DOCK8: variants seen among roughly 807,000 people sequenced by gnomAD.
DOCK8 encodes the protein dedicator of cytokinesis protein 8.
DOCK8 carries 141 observed loss-of-function variants against 245.6 expected under a neutral mutation model. The ratio of observed to expected loss-of-function variants is 0.57; its 90% CI spans 0.50 to 0.66. The LOEUF (loss-of-function observed/expected upper bound fraction) is 0.66. Ranked by LOEUF, DOCK8 falls within the 30% of genes least tolerant of loss-of-function variation. DOCK8 has a pLI of 0.00. For synonymous variants in DOCK8, 1,168 were observed against 970.2 expected (o/e 1.20, Z -3.79); for missense variants, 2,965 against 2,603.4 (o/e 1.14, Z -3.02).
Position 405,072 on chromosome 9 carries a change from A to G in DOCK8, c.3389A>G (p.Gln1130Arg). The G allele has an allele frequency of 6.2e-7, 1 of 1,612,332 alleles. No homozygotes were observed. The highest frequency in any genetic ancestry group is 8.5e-7 in the Non-Finnish European group (1 of 1,178,828). Residue 1130 changes from glutamine (Q) to arginine (R), a missense_variant and splice_region_variant, in exon 27 of 48, where the codon CAG (glutamine) becomes CGG (arginine). Coordinates refer to ENST00000432829, the MANE Select transcript of DOCK8 (RefSeq NM_203447.4). Reference sequence around the variant, plus strand: ...TCTCCTTGTCCTTCCATATCTTCCCAGGTAATAAAAGAATTATTTAACTAA... The same window carrying G: ...TCTCCTTGTCCTTCCATATCTTCCCGGGTAATAAAAGAATTATTTAACTAA... ...PTSPCPSISS[Q>R]NSSSCSSFQD...
intron 24 of DOCK8, among the ~76,000 whole-genome samples, chr9:392,998 G>A (rs758012950): frequency 2.0e-5 from 3 of 147,774 alleles, no homozygotes; most frequent in Non-Finnish European, 1.5e-5. Context: ...AGGCAGGAGC[G>A]TCACTGGAGC....
At chr9:229,232 A>G (rs2047052932) in intron 1 of DOCK8, among the ~76,000 whole-genome samples, 3 of 152,174 alleles carry the variant, frequency 2.0e-5, no homozygotes, top group Admixed American at 6.5e-5. Flanking sequence ...CCCGTTTCAG[A>G]TTTCAGAATG....
chr9:445,238 C>T (rs1460175050), intron 43 of DOCK8, among the ~76,000 whole-genome samples: 1 of 152,122 alleles, frequency 6.6e-6, no homozygotes, highest in Non-Finnish European at 1.5e-5. Flanking sequence ...CCAAGGTGCC[C>T]TTTTCCCCTC....
At chr9:283,990 C>G (rs963898186) in intron 2 of DOCK8, among the ~76,000 whole-genome samples, 2 of 152,156 alleles carry the variant, frequency 1.3e-5, no homozygotes, top group Non-Finnish European at 2.9e-5. Flanking sequence ...TTGAATGAGA[C>G]AATCCTAGTC....
chr9:378,230 T>G (rs1036542142), intron 20 of DOCK8, among the ~76,000 whole-genome samples: 1 of 152,176 alleles, frequency 6.6e-6, no homozygotes, highest in South Asian at 2.1e-4. Flanking sequence ...TCTGGGAGGA[T>G]GCAGGAGGTC....
intron 15 of DOCK8, 165 bp from the exon 16 acceptor site, chr9:370,065 A>T (rs1027415200): frequency 3.0e-6 from 2 of 674,020 alleles, no homozygotes; most frequent in Admixed American, 2.1e-5. Context: ...GACCTCCCAG[A>T]GTGCTGAGAT....
At chr9:269,356 G>A (rs1245495026) in intron 1 of DOCK8, among the ~76,000 whole-genome samples, 1 of 151,952 alleles carries the variant, frequency 6.6e-6, no homozygotes, top group Admixed American at 6.6e-5. Context: ...TGTTTCCAAG[G>A]TTCATTTATG....
chr9:435,054 G>C (rs922516233), intron 39 of DOCK8, 79 bp downstream of exon 39: 58 of 1,538,844 alleles, frequency 3.8e-5, no homozygotes, highest in Non-Finnish European at 4.9e-5. Context: ...AGGGACATTT[G>C]GCAATGTCTA....
upstream of DOCK8, chr9:214,816 G>T (rs1430302205): frequency 6.3e-7 from 1 of 1,595,712 alleles, no homozygotes; most frequent in Non-Finnish European, 8.5e-7. Context: ...CCTCCCCCGG[G>T]GTGATTTCGG....
chr9:384,509 C>T (rs2053864872), intron 22 of DOCK8, among the ~76,000 whole-genome samples: 1 of 152,188 alleles, frequency 6.6e-6, no homozygotes, highest in East Asian at 1.9e-4. Context: ...CAATACTGCC[C>T]CGCTGTGTGG....
intron 14 of DOCK8, among the ~76,000 whole-genome samples, chr9:346,534 T>G (rs747153276): frequency 5.3e-5 from 8 of 152,176 alleles, no homozygotes; most frequent in Non-Finnish European, 1.0e-4. Context: ...ATCTCTCACT[T>G]CAGCCCCCGA....
chr9:464,561 C>G lies in DOCK8; in HGVS notation c.*342C>G. On this transcript the variant is annotated 3_prime_UTR_variant, in exon 48 of 48. Coordinates refer to ENST00000432829, the MANE Select transcript of DOCK8 (RefSeq NM_203447.4). ...CATCTGAGAGATGATTTCCTCTGGC[C>G]CATATTTGAATTTATTGGAGTAACT... 2.8e-6 allele frequency: 1 copy of G among 359,908 alleles called. No individual in the cohort carries two copies. Among genetic ancestry groups the G allele is most frequent in the Non-Finnish European group, 5.2e-6 (1 of 192,604 alleles). 22.3% of individuals were successfully genotyped at this position (359,908 alleles called of 1,614,324 possible).
intron 1 of DOCK8, among the ~76,000 whole-genome samples, chr9:234,701 C>T (rs1354402893): frequency 6.6e-6 from 1 of 152,216 alleles, no homozygotes; most frequent in East Asian, 1.9e-4. Flanking sequence ...GCTACTGAGG[C>T]TTCTGCATTC....
At chr9:452,164 A>C in intron 46 of DOCK8, 47 bp downstream of exon 46, 1 of 1,285,632 alleles carries the variant, frequency 7.8e-7, no homozygotes, top group African/African-American at 1.5e-5. Context: ...GTGGTTCTCA[A>C]AGTGCAATCT....
chr9:256,577 A>G (rs377217694), intron 1 of DOCK8, among the ~76,000 whole-genome samples: 2 of 152,306 alleles, frequency 1.3e-5, no homozygotes, highest in East Asian at 3.9e-4. Context: ...GTGAATAACT[A>G]AATTTGGTTA....
chr9:233,655 C>T (rs1293135812), intron 1 of DOCK8, among the ~76,000 whole-genome samples: 1 of 152,104 alleles, frequency 6.6e-6, no homozygotes, highest in Non-Finnish European at 1.5e-5. Context: ...TATGTAATGG[C>T]CTTCTTTGTC....
intron 1 of DOCK8, among the ~76,000 whole-genome samples, chr9:218,183 C>G (rs500785): frequency 0.19 from 29,498 of 151,938 alleles, 3,586 homozygotes; most frequent in East Asian, 0.33. Flanking sequence ...GAAATATGGC[C>G]ATTAGTACAT....
intron 46 of DOCK8, among the ~76,000 whole-genome samples, chr9:461,185 T>C (rs1587136064): frequency 1.3e-5 from 2 of 152,362 alleles, no homozygotes; most frequent in East Asian, 3.9e-4. Flanking sequence ...AGATTTTCTC[T>C]GTCTTTAATG....
intron 27 of DOCK8, among the ~76,000 whole-genome samples, chr9:405,780 A>C (rs763937032): frequency 6.6e-6 from 1 of 152,256 alleles, no homozygotes; most frequent in Non-Finnish European, 1.5e-5. Flanking sequence ...AATTGAAAAA[A>C]AAATCTTAGC....
Sources: gnomAD v4.1 joint callset for allele counts (sites outside exome capture counted in the v4.1 genomes callset) on GRCh38, gnomAD v4.1.1 for gene constraint, MANE v1.5 for transcripts, NCBI Gene and HGNC (gene_info 2026-07-23, HGNC 2026-07-21) for gene names.